Variants in ALDOB observed in about 807,000 individuals in gnomAD.
The protein encoded by ALDOB is fructose-bisphosphate aldolase B.
Under a neutral mutation model 41.0 loss-of-function variants are expected in ALDOB, and 39 were observed. The ratio of observed to expected loss-of-function variants is 0.95; its 90% CI spans 0.74 to 1.24. ALDOB has a LOEUF of 1.24. Among genes scored for constraint, ALDOB ranks in the 50% most tolerant of loss-of-function variants. The pLI, the probability that ALDOB is intolerant of heterozygous loss-of-function variation, is 0.00. For synonymous variants in ALDOB, 175 were observed against 168.8 expected, an observed-to-expected ratio of 1.04 and a Z score of -0.28; for missense variants, 530 against 457.3, an observed-to-expected ratio of 1.16 and a Z score of -1.45.
In ALDOB at chr9:101,430,971, G is replaced by A; in HGVS notation, c.-10-74C>T. On this transcript the variant is annotated intron_variant, in intron 1 of 8. Transcript: ENST00000647789. ...ATGGATGCATGACCAAGACAGTTGG[G>A]GGTGCAGACATGCTGTGCAGACCTC... 5 of 1,016,350 alleles carry A rather than the reference G, an allele frequency of 4.9e-6. No individual in the cohort carries two copies. The Admixed American group carries it at 9.1e-5, about 19-fold the overall frequency. The allele number at this position is 1,016,350 out of a possible 1,614,324, so 63.0% of individuals were successfully genotyped here. A position where few individuals can be genotyped will look rare whatever the true frequency, so the allele number is the denominator to read the frequency against.
chr9:101,430,370 C>T (rs1358177311), intron 2 of ALDOB, among the ~76,000 whole-genome samples: 2 of 152,166 alleles, frequency 1.3e-5, no homozygotes, highest in Non-Finnish European at 2.9e-5. Context: ...TCCCTTGTGC[C>T]ATCCTGAGGT....
At chr9:101,431,036 A>T in intron 1 of ALDOB, 139 bp from the exon 2 acceptor site, 1 of 699,814 alleles carries the variant, frequency 1.4e-6, no homozygotes, top group Non-Finnish European at 2.6e-6. Context: ...GGATAAGCAA[A>T]TGAGGTTTGT....
At chr9:101,429,244 C>T (rs1385975007) in intron 3 of ALDOB, among the ~76,000 whole-genome samples, 1 of 151,052 alleles carries the variant, frequency 6.6e-6, no homozygotes, top group Non-Finnish European at 1.5e-5. Flanking sequence ...GCTTCGACCT[C>T]CAGGGCTCAG....
chr9:101,421,855 C>A lies in ALDOB; in HGVS notation c.1049G>T (p.Gly350Val). 1.2e-6 allele frequency: 2 copies of A among 1,614,010 alleles called. No homozygotes were observed. Among genetic ancestry groups the A allele is most frequent in the Non-Finnish European group, 1.7e-6 (2 of 1,179,980 alleles). The change falls in exon 9 of 9, where the codon GGG becomes GTG. Residue 350 changes from glycine (G) to valine (V), a missense_variant. Physicochemically the swap from Gly to Val is moderately radical, Grantham distance 109. Transcript: ENST00000647789. ...KGQYVHTGSS[G>V]AASTQSLFTA... ...GAAGAGCGACTGGGTGGAAGCAGCC[C>A]CAGAAGAACCCGTGTGAACATACTG...
chr9:101,428,730 C>A (rs1357244310), intron 3 of ALDOB, among the ~76,000 whole-genome samples: 1 of 152,182 alleles, frequency 6.6e-6, no homozygotes, highest in Non-Finnish European at 1.5e-5. Flanking sequence ...TTATTGAGCA[C>A]CTGCATGCAC....
In ALDOB at chr9:101,421,578, C is replaced by A; in HGVS notation, c.*231G>T. Reference sequence around the variant, plus strand: ...GGTGGGTATTCTGGAGCATGGGGAGCTGAAAGTGTTGCAAGGAAACTGCTG... The same window carrying A: ...GGTGGGTATTCTGGAGCATGGGGAGATGAAAGTGTTGCAAGGAAACTGCTG... On this transcript the variant is annotated 3_prime_UTR_variant, in exon 9 of 9. Transcript: ENST00000647789. 1 of 584,734 alleles carries A rather than the reference C, an allele frequency of 1.7e-6. No homozygotes were observed. Among genetic ancestry groups the A allele is most frequent in the Non-Finnish European group, 3.1e-6 (1 of 320,184 alleles). The allele number at this position is 584,734 out of a possible 1,614,324, so 36.2% of individuals were successfully genotyped here.
intron 1 of ALDOB, among the ~76,000 whole-genome samples, chr9:101,432,792 T>C (rs1392615996): frequency 6.6e-6 from 1 of 152,238 alleles, no homozygotes; most frequent in East Asian, 1.9e-4. Flanking sequence ...GCAGTACTCC[T>C]TTCCATTCAA....
At chr9:101,428,568 C>T (rs773164934) in intron 3 of ALDOB, 45 bp from the exon 4 acceptor site, 1 of 1,480,710 alleles carries the variant, frequency 6.8e-7, no homozygotes, top group Admixed American at 1.7e-5. Flanking sequence ...CAGGAAAACA[C>T]AAGCAGAACT....
chr9:101,431,496 G>A (rs1383198397), intron 1 of ALDOB, among the ~76,000 whole-genome samples: 1 of 152,204 alleles, frequency 6.6e-6, no homozygotes, highest in African/African-American at 2.4e-5. Context: ...ACTTGGGGCA[G>A]ACCAGAGAGG....
At chr9:101,426,489 G>GTAACAGCTGTTACTTAACATA in intron 6 of ALDOB, 66 bp downstream of exon 6, 1 of 975,920 alleles carries the variant, frequency 1.0e-6, no homozygotes, top group Non-Finnish European at 1.7e-6. Context: ...TATATGTTAA[G>GTAACAGCTGTTACTTAACATA]TAACAGCTGT....
chr9:101,425,872 G>A (rs576710330), intron 6 of ALDOB, among the ~76,000 whole-genome samples: 36 of 152,274 alleles, frequency 2.4e-4, no homozygotes, highest in Non-Finnish European at 4.3e-4. Context: ...ATGAATGACA[G>A]GCATGGCTCT....
chr9:101,426,511 A>C, intron 6 of ALDOB, 44 bp downstream of exon 6: 1 of 1,290,128 alleles, frequency 7.8e-7, no homozygotes, highest in Non-Finnish European at 1.1e-6. Flanking sequence ...ACCTAAAACT[A>C]AGATTTTTCA....
intron 1 of ALDOB, among the ~76,000 whole-genome samples, chr9:101,433,541 T>C (rs969834905): frequency 2.0e-5 from 3 of 152,188 alleles, no homozygotes; most frequent in African/African-American, 4.8e-5. Flanking sequence ...CTCTCAGATC[T>C]CAAGCCAACT....
chr9:101,421,400 C>CT lies in ALDOB; in HGVS notation c.*408dup. 3.3e-6 allele frequency: 1 copy of CT among 302,554 alleles called. No homozygotes were observed. Among genetic ancestry groups the CT allele is most frequent in the Non-Finnish European group, 6.5e-6 (1 of 154,234 alleles). The allele number at this position is 302,554 out of a possible 1,614,324, so 18.7% of individuals were successfully genotyped here. On this transcript the variant is annotated 3_prime_UTR_variant, in exon 9 of 9. Transcript: ENST00000647789. ...CTGAAGGTTTATAGAATATTTATTT[C>CT]TTTTTTGGTTGCAGCTATCTCCTTC... is the stretch of plus-strand genomic sequence containing the variant.
rs56799695 is a variant in ALDOB, at chr9:101,432,701, T to C, written c.-10-1804A>G. On this transcript the variant is annotated intron_variant, in intron 1 of 8. Transcript: ENST00000647789. ...TGGGCTCTTTTCCCCTCCCATTTAA[T>C]AGATTAGGAAAGAATATAAGAGAGT... 2.4e-4 allele frequency among the ~76,000 whole-genome samples: 37 copies of C among 152,232 alleles called. No individual in the cohort carries two copies. The East Asian group carries it at 3.7e-3, about 15-fold the overall frequency.
At chr9:101,430,946 A>G (rs946160378) in intron 1 of ALDOB, 49 bp from the exon 2 acceptor site, 1 of 1,298,160 alleles carries the variant, frequency 7.7e-7, no homozygotes, top group Non-Finnish European at 1.1e-6. Context: ...GGTGGCTCAG[A>G]TGGATGCATG....
At chr9:101,434,635 G>A (rs534255283) in intron 1 of ALDOB, among the ~76,000 whole-genome samples, 1 of 152,354 alleles carries the variant, frequency 6.6e-6, no homozygotes, top group African/African-American at 2.4e-5. Context: ...CAATGTCCCA[G>A]TGACAAGTGC....
At chr9:101,433,505 G>A (rs1831248601) in intron 1 of ALDOB, among the ~76,000 whole-genome samples, 2 of 152,134 alleles carry the variant, frequency 1.3e-5, no homozygotes, top group African/African-American at 4.8e-5. Flanking sequence ...GACAAAGAAC[G>A]ATTTCCGTAC....
intron 4 of ALDOB, 79 bp from the exon 5 acceptor site, chr9:101,427,721 T>A (rs1051587047): frequency 1.3e-6 from 2 of 1,547,612 alleles, no homozygotes; most frequent in Admixed American, 3.4e-5. Context: ...GGGAAGGAGT[T>A]CTCCCTTTGC....
Sources: gnomAD v4.1 joint callset for allele counts (sites outside exome capture counted in the v4.1 genomes callset) on GRCh38, gnomAD v4.1.1 for gene constraint, MANE v1.5 for transcripts, NCBI Gene and HGNC (gene_info 2026-07-23, HGNC 2026-07-21) for gene names.